Variants in PDZRN4 observed in about 807,000 individuals in gnomAD.
PDZRN4 encodes PDZ domain containing ring finger 4.
PDZRN4 carries 70 observed loss-of-function variants against 99.0 expected under a neutral mutation model. The observed-to-expected ratio is 0.71, with a 90% CI of 0.58 to 0.86. PDZRN4 has a LOEUF of 0.86. Among genes scored for constraint, PDZRN4 ranks in the 40% least tolerant of loss-of-function variants. The probability of loss-of-function intolerance (pLI) is 0.00; values close to 1 mark genes in which losing one functional copy is unlikely to be tolerated. For missense variants in PDZRN4, 1,474 were observed against 1,331.2 expected, an observed-to-expected ratio of 1.11 and a Z score of -1.67; for synonymous variants, 551 against 501.6, an observed-to-expected ratio of 1.10 and a Z score of -1.32.
At chr12:41,206,198 T>G (rs79902364) in intron 3 of PDZRN4, among the ~76,000 whole-genome samples, 6,140 of 152,090 alleles carry the variant, frequency 0.04, 171 homozygotes, top group Non-Finnish European at 0.066. Context: ...CACAAACACA[T>G]TTACGGGTAC....
At chr12:41,439,854 C>A (rs564529801) in intron 3 of PDZRN4, among the ~76,000 whole-genome samples, 140 of 152,314 alleles carry the variant, frequency 9.2e-4, no homozygotes, top group Non-Finnish European at 1.8e-3. Flanking sequence ...AAAGGTCTTG[C>A]ATGTGTTTTC....
intron 3 of PDZRN4, among the ~76,000 whole-genome samples, chr12:41,353,967 C>T (rs1462587407): frequency 6.6e-6 from 1 of 151,946 alleles, no homozygotes; most frequent in Non-Finnish European, 1.5e-5. Context: ...ATGGCATTAC[C>T]TAACGGATAC....
At chr12:41,289,433 T>C (rs80309332) in intron 3 of PDZRN4, among the ~76,000 whole-genome samples, 1,640 of 152,286 alleles carry the variant, frequency 0.011, 31 homozygotes, top group African/African-American at 0.037. Flanking sequence ...GAAAAATATA[T>C]GGATTGAAAC....
intron 3 of PDZRN4, among the ~76,000 whole-genome samples, chr12:41,384,711 CTCT>C (rs1952154649): frequency 1.3e-5 from 2 of 152,140 alleles, no homozygotes; most frequent in Non-Finnish European, 2.9e-5. Context: ...AAAGGACAGG[CTCT>C]GCCAAAGTCA....
At chr12:41,483,588 T>A (rs994892037) in intron 3 of PDZRN4, among the ~76,000 whole-genome samples, 1 of 152,164 alleles carries the variant, frequency 6.6e-6, no homozygotes, top group Non-Finnish European at 1.5e-5. Context: ...ACTCCTATTA[T>A]CTGTGCTTAG....
At chr12:41,551,853 A>G (rs1939062572) in intron 5 of PDZRN4, among the ~76,000 whole-genome samples, 1 of 152,214 alleles carries the variant, frequency 6.6e-6, no homozygotes, top group Non-Finnish European at 1.5e-5. Flanking sequence ...TGAAAGTAGT[A>G]CAAGTCCATT....
chr12:41,533,504 C>T (rs1193239018), intron 5 of PDZRN4, among the ~76,000 whole-genome samples: 1 of 152,120 alleles, frequency 6.6e-6, no homozygotes, highest in African/African-American at 2.4e-5. Context: ...TTTAGTAACC[C>T]TCATTATTTA....
At chr12:41,291,047 A>G (rs910299302) in intron 3 of PDZRN4, among the ~76,000 whole-genome samples, 1 of 152,128 alleles carries the variant, frequency 6.6e-6, no homozygotes, top group Non-Finnish European at 1.5e-5. Context: ...AAAATGCTAC[A>G]ATTAATCTTG....
intron 6 of PDZRN4, among the ~76,000 whole-genome samples, chr12:41,553,395 A>G (rs1201043555): frequency 2.0e-5 from 3 of 152,194 alleles, no homozygotes; most frequent in African/African-American, 7.2e-5. Flanking sequence ...AAAAAGCATT[A>G]TTTTATGTGA....
At chr12:41,375,899 C>T (rs1266409559) in intron 3 of PDZRN4, among the ~76,000 whole-genome samples, 2 of 152,194 alleles carry the variant, frequency 1.3e-5, no homozygotes, top group Non-Finnish European at 2.9e-5. Flanking sequence ...TTGAACTTCT[C>T]ATTTCCCCCA....
chr12:41,541,864 C>T (rs78194552), intron 5 of PDZRN4, among the ~76,000 whole-genome samples: 2,012 of 152,340 alleles, frequency 0.013, 46 homozygotes, highest in African/African-American at 0.045. Flanking sequence ...CCCGAAGTAG[C>T]TATCTATTAT....
intron 3 of PDZRN4, among the ~76,000 whole-genome samples, chr12:41,371,395 C>T (rs762267903): frequency 2.9e-4 from 44 of 151,856 alleles, no homozygotes; most frequent in Non-Finnish European, 6.2e-4. Flanking sequence ...TAGCAGGCTT[C>T]TTTCTGCTAT....
intron 3 of PDZRN4, among the ~76,000 whole-genome samples, chr12:41,418,800 G>C (rs1190179899): frequency 6.6e-6 from 1 of 152,166 alleles, no homozygotes; most frequent in Non-Finnish European, 1.5e-5. Context: ...AAAAGGGTTT[G>C]GCTGGAGAAG....
chr12:41,465,469 C>G (rs1290413572), intron 3 of PDZRN4, among the ~76,000 whole-genome samples: 1 of 151,844 alleles, frequency 6.6e-6, no homozygotes, highest in Non-Finnish European at 1.5e-5. Flanking sequence ...ATTGGTTGGA[C>G]AAAGAAAAGC....
At chr12:41,200,202 G>A (rs1485209264) in intron 3 of PDZRN4, among the ~76,000 whole-genome samples, 1 of 152,088 alleles carries the variant, frequency 6.6e-6, no homozygotes, top group Admixed American at 6.6e-5. Context: ...CTTCAGGAAA[G>A]GATGCAGGTG....
chr12:41,345,222 C>A (rs999883179), intron 3 of PDZRN4, among the ~76,000 whole-genome samples: 9 of 152,150 alleles, frequency 5.9e-5, no homozygotes, highest in African/African-American at 2.2e-4. Flanking sequence ...TTATGTGTGG[C>A]GAGCAGTTAG....
At chr12:41,316,931 G>A (rs1951642039) in intron 3 of PDZRN4, among the ~76,000 whole-genome samples, 1 of 151,466 alleles carries the variant, frequency 6.6e-6, no homozygotes, top group South Asian at 2.1e-4. Context: ...AGGTACAGCA[G>A]CTTGCCTTGT....
intron 3 of PDZRN4, among the ~76,000 whole-genome samples, chr12:41,404,916 T>C (rs560889252): frequency 6.6e-6 from 1 of 152,250 alleles, no homozygotes; most frequent in South Asian, 2.1e-4. Context: ...GATAACTGGC[T>C]AGTCATTTGA....
At chr12:41,329,523 C>T (rs1951730251) in intron 3 of PDZRN4, among the ~76,000 whole-genome samples, 1 of 151,818 alleles carries the variant, frequency 6.6e-6, no homozygotes, top group Admixed American at 6.6e-5. Flanking sequence ...TAATCAGTCC[C>T]CTAATTATGT....
Sources: gnomAD v4.1 joint callset for allele counts (sites outside exome capture counted in the v4.1 genomes callset) on GRCh38, gnomAD v4.1.1 for gene constraint, MANE v1.5 for transcripts, NCBI Gene and HGNC (gene_info 2026-07-23, HGNC 2026-07-21) for gene names.